ZNF532: variants seen among roughly 807,000 people sequenced by gnomAD.
ZNF532 encodes the protein zinc finger protein 532.
A neutral mutation model predicts 89.3 loss-of-function variants in ZNF532; 22 were observed. The observed-to-expected ratio is 0.25, with a 90% CI of 0.18 to 0.35. The LOEUF is 0.35. Ranked by LOEUF, ZNF532 falls within the 10% of genes least tolerant of loss-of-function variation. ZNF532 has a pLI of 1.00. For missense variants in ZNF532, 1,132 were observed against 1,643.4 expected, an observed-to-expected ratio of 0.69 and a Z score of 5.38; for synonymous variants, 606 against 649.6, an observed-to-expected ratio of 0.93 and a Z score of 1.02.
chr18:58,897,477 A>G (rs868638264), intron 2 of ZNF532, among the ~76,000 whole-genome samples: 2 of 152,266 alleles, frequency 1.3e-5, no homozygotes, highest in African/African-American at 4.8e-5. Context: ...GACAAATAAT[A>G]GAATTTGCTG....
At chr18:58,886,964 A>T (rs2058347919) in intron 2 of ZNF532, among the ~76,000 whole-genome samples, 1 of 152,192 alleles carries the variant, frequency 6.6e-6, no homozygotes, top group Non-Finnish European at 1.5e-5. Context: ...ATTAGCTTGT[A>T]ATCTCAGTAG....
chr18:58,928,215 G>A (rs891932704), intron 3 of ZNF532, among the ~76,000 whole-genome samples: 1 of 152,082 alleles, frequency 6.6e-6, no homozygotes, highest in Non-Finnish European at 1.5e-5. Context: ...TTCCTCCCAC[G>A]CCTCTCACCA....
chr18:58,908,096 G>A (rs2060047506), intron 2 of ZNF532, among the ~76,000 whole-genome samples: 1 of 152,208 alleles, frequency 6.6e-6, no homozygotes, highest in Admixed American at 6.5e-5. Flanking sequence ...GTTTTGTGCT[G>A]TGTGTTTAAT....
At chr18:58,945,662 C>G (rs1443392355) in intron 5 of ZNF532, among the ~76,000 whole-genome samples, 1 of 152,134 alleles carries the variant, frequency 6.6e-6, no homozygotes, top group Admixed American at 6.5e-5. Context: ...AAATTGAGTT[C>G]TCAGCAATTT....
At chr18:58,907,109 T>C (rs1382792859) in intron 2 of ZNF532, among the ~76,000 whole-genome samples, 2 of 152,128 alleles carry the variant, frequency 1.3e-5, no homozygotes, top group African/African-American at 4.8e-5. Flanking sequence ...GACAGCCTCA[T>C]GTTTTGCAGG....
intron 2 of ZNF532, among the ~76,000 whole-genome samples, chr18:58,882,942 G>A (rs897348249): frequency 1.3e-5 from 2 of 152,154 alleles, no homozygotes; most frequent in Non-Finnish European, 2.9e-5. Context: ...GTGTGTGTGT[G>A]TATTTAATCT....
rs1432219424 is a variant in ZNF532 at position 58,864,927 on chromosome 18, G to A, written c.-586G>A. On this transcript the variant is annotated 5_prime_UTR_variant, in exon 1 of 10. Coordinates refer to ENST00000591808, the MANE Select transcript of ZNF532 (RefSeq NM_001375912.1). ...ATGGCAGCCAAAAGCAGAGGAGCTT[G>A]CAGGAAGGTACCATCCCTACACAGT... 2 of 152,318 alleles carry A rather than the reference G, an allele frequency of 1.3e-5. No homozygotes were observed. The highest frequency in any genetic ancestry group is 3.8e-4 in the East Asian group (2 of 5,206). The allele number at this position is 152,318 out of a possible 1,614,324, so 9.4% of individuals were successfully genotyped here.
At chr18:58,863,522 C>CGGGGA, upstream of ZNF532, 2 of 6,342 alleles carry the variant, frequency 3.2e-4, no homozygotes, top group Non-Finnish European at 3.7e-4. Context: ...CCGCCGCCGC[C>CGGGGA]GCCCGGCCCG....
At chr18:58,871,724 C>T (rs2057001999) in intron 2 of ZNF532, among the ~76,000 whole-genome samples, 1 of 152,208 alleles carries the variant, frequency 6.6e-6, no homozygotes. Context: ...TTGAGGTACA[C>T]TCAGGGCCTT....
At position 58,918,797 on chromosome 18, in the gene ZNF532, G is replaced by A. The variant is rs752434453; in HGVS notation, c.510G>A (p.Gln170=). ...ATGTGTTGACGGGGTCGGCTCCCCA[G>A]CAGGACTACGATAAGCTGAAGGCAC... ...RSNVLTGSAP[Q]QDYDKLKALG... Residue 170 remains glutamine, a synonymous_variant, in exon 3 of 10, where the codon CAG becomes CAA. Coordinates refer to ENST00000591808, the MANE Select transcript of ZNF532 (RefSeq NM_001375912.1). The A allele has an allele frequency of 1.4e-5, 22 of 1,614,190 alleles. No individual in the cohort carries two copies. The highest frequency in any genetic ancestry group is 3.3e-4 in the Middle Eastern group (2 of 6,062).
intron 7 of ZNF532, among the ~76,000 whole-genome samples, chr18:58,969,544 A>G (rs1454801776): frequency 1.3e-5 from 2 of 152,138 alleles, no homozygotes; most frequent in African/African-American, 4.8e-5. Flanking sequence ...TTTTTCTGTT[A>G]CACCTTCAGA....
chr18:58,910,202 G>A (rs773201306), intron 2 of ZNF532, among the ~76,000 whole-genome samples: 3 of 152,084 alleles, frequency 2.0e-5, no homozygotes, highest in Non-Finnish European at 2.9e-5. Flanking sequence ...ATTATCATTC[G>A]TACAATACTA....
At chr18:58,934,702 G>A in intron 4 of ZNF532, 88 bp downstream of exon 4, 1 of 1,313,522 alleles carries the variant, frequency 7.6e-7, no homozygotes. Context: ...ACAGTTTTCT[G>A]GGTCATACGG....
At chr18:58,952,358 C>T (rs1226294169) in intron 6 of ZNF532, among the ~76,000 whole-genome samples, 1 of 152,142 alleles carries the variant, frequency 6.6e-6, no homozygotes, top group Admixed American at 6.6e-5. Context: ...ATATTGTATA[C>T]AGAGGCAAAG....
chr18:58,973,928 G>GAGAAAGCAAAACCAGAGAT (rs1258766728), intron 7 of ZNF532, among the ~76,000 whole-genome samples: 13 of 152,270 alleles, frequency 8.5e-5, no homozygotes, highest in African/African-American at 3.1e-4. Context: ...ATGACAAATG[G>GAGAAAGCAAAACCAGAGAT]AGAAAGCAAA....
At chr18:58,899,561 C>T (rs998376785) in intron 2 of ZNF532, among the ~76,000 whole-genome samples, 6 of 152,042 alleles carry the variant, frequency 3.9e-5, no homozygotes, top group Non-Finnish European at 8.8e-5. Flanking sequence ...CTCTGCCTCC[C>T]GGGTTCAAGC....
At position 58,945,300 on chromosome 18, in the gene ZNF532, G is replaced by A. The variant is rs1248808600; in HGVS notation, c.2706-2767G>A. On this transcript the variant is annotated intron_variant, in intron 5 of 9. Coordinates refer to ENST00000591808, the MANE Select transcript of ZNF532 (RefSeq NM_001375912.1). ...CTCTTGGTGGCAATGCCTGGGCCGT[G>A]ATGCCATGCTTTTCTCAAAGGATCA... Among the ~76,000 whole-genome samples the A allele has an allele frequency of 4.6e-5, 7 of 152,328 alleles. No homozygotes were observed. The East Asian group carries it at 1.4e-3, about 29-fold the overall frequency.
chr18:58,920,565 A>C lies in ZNF532; in HGVS notation c.2278A>C (p.Asn760His), dbSNP rs762285723. 1.2e-6 allele frequency: 2 copies of C among 1,611,572 alleles called. No homozygotes were observed. Among genetic ancestry groups the C allele is most frequent in the Non-Finnish European group, 1.7e-6 (2 of 1,178,034 alleles). Residue 760 changes from asparagine (N) to histidine (H), a missense_variant, in exon 3 of 10, where the codon AAT becomes CAT. This residue lies in a region of ZNF532 where 100 missense variants were observed against 122.0 expected (regional missense o/e 0.82). Transcript: ENST00000591808. ...ACATAGTCTAAAATGTTTGGAGTGT[A>C]ATGAAGTCTTCCAGGACGAGACATC... ...CRHSLKCLEC[N>H]EVFQDETSLA...
intron 2 of ZNF532, chr18:58,916,743 A>T (rs1568307375): frequency 1.0e-6 from 1 of 985,206 alleles, no homozygotes; most frequent in Admixed American, 6.1e-5. Flanking sequence ...TAATATACTG[A>T]GGGTCTTAGC....
Sources: allele counts gnomAD v4.1 joint callset (sites outside exome capture counted in the v4.1 genomes callset), GRCh38; gene constraint gnomAD v4.1.1; regional missense constraint gnomAD v4.1.1; transcripts MANE v1.5; gene names NCBI Gene and HGNC (gene_info 2026-07-23, HGNC 2026-07-21).